The following ATP8A2 variants were observed in gnomAD, a reference collection of about 807,000 sequenced individuals.
ATP8A2 encodes the protein phospholipid-transporting ATPase IB.
Under a neutral mutation model 165.6 loss-of-function variants are expected in ATP8A2, and 100 were observed. The ratio of observed to expected loss-of-function variants is 0.60; its 90% CI spans 0.51 to 0.71. The LOEUF (loss-of-function observed/expected upper bound fraction) is 0.71, where lower values mean the gene tolerates loss of function less well. ATP8A2 is among the 30% of genes least tolerant of loss of function. The probability of loss-of-function intolerance (pLI) is 0.00; values close to 1 mark genes in which losing one functional copy is unlikely to be tolerated. For missense variants in ATP8A2, 1,227 were observed against 1,479.5 expected (o/e 0.83, Z 2.80); for synonymous variants, 543 against 548.8 (o/e 0.99, Z 0.15).
intron 12 of ATP8A2, among the ~76,000 whole-genome samples, chr13:25,554,362 T>C (rs564572334): frequency 2.4e-4 from 36 of 152,300 alleles, no homozygotes; most frequent in African/African-American, 8.4e-4. Context: ...TAGTGGACTT[T>C]AGCAGCCAGT....
chr13:25,994,864 A>G (rs541651335), intron 35 of ATP8A2, among the ~76,000 whole-genome samples: 70 of 152,156 alleles, frequency 4.6e-4, no homozygotes, highest in African/African-American at 1.6e-3. Flanking sequence ...ATGGACTGGT[A>G]TAGTATAATA....
chr13:25,469,943 T>C (rs1408683939), intron 2 of ATP8A2, among the ~76,000 whole-genome samples: 2 of 152,244 alleles, frequency 1.3e-5, no homozygotes, highest in Non-Finnish European at 2.9e-5. Flanking sequence ...GGGAGAGACT[T>C]CAGAGGATGT....
intron 18 of ATP8A2, among the ~76,000 whole-genome samples, 166 bp from the exon 19 acceptor site, chr13:25,574,642 A>G (rs1214364379): frequency 6.6e-6 from 1 of 152,166 alleles, no homozygotes; most frequent in Non-Finnish European, 1.5e-5. Flanking sequence ...CAGAAGAGGG[A>G]GCTCTGACCC....
rs1034415672 is a variant in ATP8A2, at chr13:25,571,917, C to T, written c.1662+225C>T. ...TGCTTTTCCACATGTCTTTCATACA[C>T]TGATGTGAAATTATTTGTAGCAAAG... On this transcript the variant is annotated intron_variant, in intron 18 of 36. Transcript: ENST00000381655. 7.4e-6 allele frequency: 4 copies of T among 543,854 alleles called. No individual in the cohort carries two copies. The Admixed American group carries it at 1.2e-4, about 17-fold the overall frequency. The allele number at this position is 543,854 out of a possible 1,614,324, so 33.7% of individuals were successfully genotyped here.
At chr13:25,774,520 G>A (rs916180031) in intron 26 of ATP8A2, among the ~76,000 whole-genome samples, 2 of 152,162 alleles carry the variant, frequency 1.3e-5, no homozygotes, top group South Asian at 2.1e-4. Context: ...GTTTACTTAT[G>A]TAATAAACCT....
chr13:25,441,763 G>A (rs1213718291), intron 1 of ATP8A2, among the ~76,000 whole-genome samples: 3 of 152,120 alleles, frequency 2.0e-5, no homozygotes, highest in African/African-American at 7.2e-5. Context: ...ACATAACATA[G>A]AATTTACTAT....
intron 25 of ATP8A2, among the ~76,000 whole-genome samples, chr13:25,747,832 G>T (rs1420853980): frequency 6.6e-6 from 1 of 152,172 alleles, no homozygotes. Flanking sequence ...GAATCACCAA[G>T]AAATGTTCTT....
chr13:25,926,274 C>T (rs971692410), intron 33 of ATP8A2, among the ~76,000 whole-genome samples: 5 of 152,126 alleles, frequency 3.3e-5, no homozygotes, highest in African/African-American at 1.2e-4. Context: ...TGGGGCCTTG[C>T]CTATACCTAG....
intron 33 of ATP8A2, among the ~76,000 whole-genome samples, chr13:25,885,304 C>T (rs1323421619): frequency 3.3e-5 from 5 of 151,702 alleles, no homozygotes; most frequent in African/African-American, 9.7e-5. Context: ...GTAGAGATGG[C>T]GTTTCACCAT....
chr13:25,419,280 C>A (rs760349161), intron 1 of ATP8A2, among the ~76,000 whole-genome samples: 18 of 152,128 alleles, frequency 1.2e-4, no homozygotes, highest in African/African-American at 3.6e-4. Context: ...CAAATACCCT[C>A]ATCTAAAACA....
intron 25 of ATP8A2, among the ~76,000 whole-genome samples, chr13:25,753,767 CTTGGGGT>C (rs1340895658): frequency 4.6e-5 from 7 of 152,220 alleles, no homozygotes; most frequent in Admixed American, 4.6e-4. Flanking sequence ...ATCCTGAGTG[CTTGGGGT>C]GCACCCAAAA....
chr13:25,450,493 T>G (rs2035184291), intron 1 of ATP8A2, among the ~76,000 whole-genome samples: 1 of 152,064 alleles, frequency 6.6e-6, no homozygotes, highest in Admixed American at 6.6e-5. Context: ...TCTGTTATTT[T>G]TTTACTTTTT....
At chr13:25,537,192 C>T (rs1342720260) in intron 6 of ATP8A2, among the ~76,000 whole-genome samples, 3 of 152,140 alleles carry the variant, frequency 2.0e-5, no homozygotes, top group Non-Finnish European at 4.4e-5. Context: ...CTGACTTTGG[C>T]CGTGATCCTT....
chr13:25,414,771 C>G (rs955495547), intron 1 of ATP8A2, among the ~76,000 whole-genome samples: 10 of 152,276 alleles, frequency 6.6e-5, no homozygotes, highest in African/African-American at 2.4e-4. Flanking sequence ...TTTCATTGCC[C>G]AAGTTGTGGT....
intron 2 of ATP8A2, among the ~76,000 whole-genome samples, chr13:25,500,678 C>T (rs1018568995): frequency 1.3e-5 from 2 of 152,090 alleles, no homozygotes; most frequent in Non-Finnish European, 2.9e-5. Context: ...CTCCACGGCT[C>T]AGGTGATCCT....
At chr13:25,442,936 C>T (rs1318796999) in intron 1 of ATP8A2, among the ~76,000 whole-genome samples, 1 of 152,142 alleles carries the variant, frequency 6.6e-6, no homozygotes, top group Admixed American at 6.5e-5. Flanking sequence ...TCTGTATAGT[C>T]TAGATACTAA....
chr13:25,440,117 A>C (rs1033179671), intron 1 of ATP8A2, among the ~76,000 whole-genome samples: 1 of 148,786 alleles, frequency 6.7e-6, no homozygotes, highest in Admixed American at 6.7e-5. Flanking sequence ...TTCTGCATGA[A>C]GATGCAGGTC....
At chr13:25,972,812 T>C (rs1275828709) in intron 35 of ATP8A2, among the ~76,000 whole-genome samples, 1 of 152,216 alleles carries the variant, frequency 6.6e-6, no homozygotes, top group East Asian at 1.9e-4. Flanking sequence ...CCACTCACTT[T>C]TACAGATACA....
intron 35 of ATP8A2, among the ~76,000 whole-genome samples, chr13:26,005,689 T>C (rs555945584): frequency 2.9e-4 from 44 of 152,158 alleles, no homozygotes; most frequent in Non-Finnish European, 5.9e-4. Flanking sequence ...AAGTTAATTT[T>C]TGTATGTGGT....
Sources: gnomAD v4.1 joint callset for allele counts (sites outside exome capture counted in the v4.1 genomes callset) on GRCh38, gnomAD v4.1.1 for gene constraint, MANE v1.5 for transcripts, NCBI Gene and HGNC (gene_info 2026-07-23, HGNC 2026-07-21) for gene names.